Variants in VWF observed in about 807,000 individuals in gnomAD.
VWF encodes the protein von Willebrand factor.
Under a neutral mutation model 308.6 loss-of-function variants are expected in VWF, and 176 were observed. The ratio of observed to expected loss-of-function variants is 0.57; its 90% CI spans 0.50 to 0.65. VWF has a LOEUF of 0.65. Among genes scored for constraint, VWF ranks in the 30% least tolerant of loss-of-function variants. VWF has a pLI of 0.00. For synonymous variants in VWF, 1,385 were observed against 1,443.4 expected (o/e 0.96, Z 0.92); for missense variants, 3,146 against 3,648.2 (o/e 0.86, Z 3.55).
At position 5,953,480 on chromosome 12, in the gene VWF, T is replaced by A; in HGVS notation, c.7986+16A>T. ...TGGTGATATGTGAGGGAGCCCTGCATTCAGCTTGCTCCTACCTTCAGTGTC... is the reference window on the plus strand; with the variant it reads ...TGGTGATATGTGAGGGAGCCCTGCAATCAGCTTGCTCCTACCTTCAGTGTC... On this transcript the variant is annotated intron_variant, in intron 48 of 51. Transcript: ENST00000261405. 1 of 1,610,090 alleles carries A rather than the reference T, an allele frequency of 6.2e-7. No homozygotes were observed. The highest frequency in any genetic ancestry group is 8.5e-7 in the Non-Finnish European group (1 of 1,176,282).
Position 6,057,963 on chromosome 12 carries a change from AG to A in VWF, c.1614del (p.Ser539LeufsTer38), listed in dbSNP as rs35879738. On this transcript the variant is annotated frameshift_variant, in exon 14 of 52. Transcript: ENST00000261405. LOFTEE classifies it high-confidence loss of function. ...NGNQGDDFLT[P>X]SGLAEPRVED... ...TCCACCCGGGGCTCCGCCAGCCCAG[AG>A]GGGGTAAGGAAGTCGTCGCCCTGGT... 2 of 1,613,702 alleles carry A rather than the reference AG, an allele frequency of 1.2e-6. No individual in the cohort carries two copies. Among genetic ancestry groups the A allele is most frequent in the Admixed American group, 3.3e-5 (2 of 60,030 alleles).
At chr12:6,057,209 C>T (rs946304463) in intron 14 of VWF, 137 bp from the exon 15 acceptor site, 14 of 695,490 alleles carry the variant, frequency 2.0e-5, no homozygotes, top group Non-Finnish European at 3.3e-5. Flanking sequence ...TCTGCAAATG[C>T]CACCCCCACC....
intron 5 of VWF, among the ~76,000 whole-genome samples, chr12:6,104,385 TAA>T (rs750869356): frequency 1.1e-4 from 16 of 142,008 alleles, no homozygotes; most frequent in Non-Finnish European, 1.7e-4. Flanking sequence ...CAAAGAACTT[TAA>T]AAAAAAAAAA....
At chr12:6,003,667 A>C (rs1943896243) in intron 34 of VWF, among the ~76,000 whole-genome samples, 1 of 152,224 alleles carries the variant, frequency 6.6e-6, no homozygotes, top group Admixed American at 6.5e-5. Context: ...GACAGAAAGC[A>C]AAATGGTTGT....
At chr12:6,034,465 G>A (rs181082317) in intron 20 of VWF, among the ~76,000 whole-genome samples, 6 of 152,302 alleles carry the variant, frequency 3.9e-5, no homozygotes, top group South Asian at 2.1e-4. Context: ...CTTCTGTCTC[G>A]TTTTATAAGT....
chr12:5,972,092 A>C (rs1394109174), intron 43 of VWF, among the ~76,000 whole-genome samples: 2 of 152,210 alleles, frequency 1.3e-5, no homozygotes, highest in Non-Finnish European at 2.9e-5. Flanking sequence ...ACTGGGATCC[A>C]GTCTCCACTC....
rs762783476 is a variant in VWF, at chr12:6,110,483, A to G, written c.423T>C (p.Asp141=). 6.2e-7 allele frequency: 1 copy of G among 1,614,092 alleles called. No individual in the cohort carries two copies. Among genetic ancestry groups the G allele is most frequent in the Non-Finnish European group, 8.5e-7 (1 of 1,180,042 alleles). ...GEAYGFVARI[D]GSGNFQVLLS... ...GCAGGACTTGAAAGTTGCCGCTGCCATCGATCCTGGCCACAAAGCCATAGG... is the reference window on the plus strand; with the variant it reads ...GCAGGACTTGAAAGTTGCCGCTGCCGTCGATCCTGGCCACAAAGCCATAGG... Residue 141 remains aspartate, a synonymous_variant, in exon 5 of 52, where the codon GAT becomes GAC. Coordinates refer to ENST00000261405, the MANE Select transcript of VWF (RefSeq NM_000552.5).
At chr12:6,091,562 T>C (rs1358165694) in intron 6 of VWF, among the ~76,000 whole-genome samples, 2 of 152,158 alleles carry the variant, frequency 1.3e-5, no homozygotes, top group East Asian at 1.9e-4. Flanking sequence ...TTTTGTTTTA[T>C]AGACAGGGTC....
chr12:6,112,802 G>A (rs1339873692), intron 3 of VWF, among the ~76,000 whole-genome samples: 1 of 150,294 alleles, frequency 6.7e-6, no homozygotes, highest in Non-Finnish European at 1.5e-5. Flanking sequence ...GGCTGCAGGA[G>A]GACAACCACA....
At chr12:6,059,098 G>A (rs950890081) in intron 13 of VWF, among the ~76,000 whole-genome samples, 2 of 152,154 alleles carry the variant, frequency 1.3e-5, no homozygotes, top group Non-Finnish European at 2.9e-5. Flanking sequence ...AAGGTCCCAG[G>A]CCCATAGAAA....
chr12:6,092,616 A>AGTGAGAGAGAGAGAGAGAGAGTGTGT (rs796249343), intron 6 of VWF, among the ~76,000 whole-genome samples: 3 of 96,622 alleles, frequency 3.1e-5, no homozygotes, highest in Non-Finnish European at 6.2e-5. Context: ...TGAGTGAGTG[A>AGTGAGAGAGAGAGAGAGAGAGTGTGT]GAGTGTGTGT....
intron 14 of VWF, among the ~76,000 whole-genome samples, 198 bp downstream of exon 14, chr12:6,057,651 C>G (rs183748305): frequency 6.8e-6 from 1 of 146,146 alleles, no homozygotes; most frequent in Non-Finnish European, 1.5e-5. Context: ...CTGTGGCGGG[C>G]GCCCAATAAA....
chr12:6,061,588 C>T (rs1352320546), intron 13 of VWF, among the ~76,000 whole-genome samples: 1 of 152,058 alleles, frequency 6.6e-6, no homozygotes, highest in African/African-American at 2.4e-5. Flanking sequence ...AAACCTGCCA[C>T]CCTGCCCCTG....
chr12:5,977,730 A>C (rs1167417749), intron 42 of VWF, among the ~76,000 whole-genome samples: 2 of 151,666 alleles, frequency 1.3e-5, no homozygotes, highest in Non-Finnish European at 2.9e-5. Context: ...AATTAGCCGG[A>C]TGTGGTGGCA....
At chr12:6,072,513 C>T (rs1944792827) in intron 8 of VWF, 71 bp from the exon 9 acceptor site, 2 of 1,277,286 alleles carry the variant, frequency 1.6e-6, no homozygotes, top group South Asian at 1.2e-5. Context: ...ACTATAGAAT[C>T]CCCAGGGACA....
chr12:6,015,803 G>T (rs1591860150), intron 31 of VWF, among the ~76,000 whole-genome samples: 1 of 152,170 alleles, frequency 6.6e-6, no homozygotes, highest in East Asian at 1.9e-4. Flanking sequence ...TAGAAAGAAA[G>T]GGCATAGAGG....
At chr12:5,998,506 T>A (rs1293732367) in intron 34 of VWF, among the ~76,000 whole-genome samples, 164 of 31,250 alleles carry the variant, frequency 5.2e-3, no homozygotes, top group African/African-American at 8.1e-3. Context: ...AAAATATATA[T>A]ATATATATAT....
At chr12:6,117,833 G>A (rs1156716476) in intron 3 of VWF, among the ~76,000 whole-genome samples, 3 of 152,174 alleles carry the variant, frequency 2.0e-5, no homozygotes, top group Non-Finnish European at 4.4e-5. Flanking sequence ...CAAAAGATGA[G>A]GAATTGGAGG....
rs148247755 is a variant in VWF at position 6,064,354 on chromosome 12, G to A, written c.1324C>T (p.Arg442Cys). 3.1e-5 allele frequency: 50 copies of A among 1,614,024 alleles called. No homozygotes were observed. The highest frequency in any genetic ancestry group is 8.8e-5 in the South Asian group (8 of 91,092). The change falls in exon 12 of 52, where the codon CGC (arginine) becomes TGC (cysteine). Residue 442 changes from arginine to cysteine, a missense_variant. Arg to Cys is a radical substitution (Grantham distance 180). Around this residue, in one of 3 missense-constraint regions of VWF, gnomAD observed 1,304 missense variants for 1,353.0 expected, o/e 0.96. Coordinates refer to ENST00000261405, the MANE Select transcript of VWF (RefSeq NM_000552.5). ...CCAGGCAGCCGGACGGTGACGGAGC[G>A]GGTGCACACAGCGTCGCGGTCATCA... ...CADDRDAVCT[R>C]SVTVRLPGLH...
Sources: gnomAD v4.1 joint callset for allele counts (sites outside exome capture counted in the v4.1 genomes callset) on GRCh38, gnomAD v4.1.1 for gene constraint, gnomAD v4.1.1 regional missense constraint, MANE v1.5 for transcripts, NCBI Gene and HGNC (gene_info 2026-07-23, HGNC 2026-07-21) for gene names.